CFAP418: variants seen among roughly 807,000 people sequenced by gnomAD.
The protein encoded by CFAP418 is cilia and flagella associated protein 418.
A neutral mutation model predicts 24.7 loss-of-function variants in CFAP418; 27 were observed. That is an observed-to-expected ratio of 1.09 (90% CI 0.81 to 1.51). CFAP418 has a LOEUF of 1.51. CFAP418 is among the 40% of genes most tolerant of loss of function. The pLI is 0.00. For missense variants in CFAP418, 257 were observed against 255.2 expected (o/e 1.01, Z -0.05); for synonymous variants, 74 against 87.3 (o/e 0.85, Z 0.85).
At position 95,260,547 on chromosome 8, in the gene CFAP418, A is replaced by C; in HGVS notation, c.244-15T>G. The C allele has an allele frequency of 6.5e-7, 1 of 1,542,996 alleles. No individual in the cohort carries two copies. The highest frequency in any genetic ancestry group is 8.8e-7 in the Non-Finnish European group (1 of 1,136,322). On this transcript the variant is annotated splice_polypyrimidine_tract_variant and intron_variant, in intron 2 of 5. Transcript: ENST00000286688. ...GATTTTAATTTCTGTTAAAAAAGCAAAACAATAAAAGGCCATGAGTAACTT... is the reference window on the plus strand; with the variant it reads ...GATTTTAATTTCTGTTAAAAAAGCACAACAATAAAAGGCCATGAGTAACTT...
chr8:95,263,896 T>A (rs1811933543), intron 1 of CFAP418, 122 bp from the exon 2 acceptor site: 1 of 595,418 alleles, frequency 1.7e-6, no homozygotes, highest in Middle Eastern at 3.3e-4. Flanking sequence ...AAAAGTGATT[T>A]TAATTTTTTT....
chr8:95,264,111 A>T (rs1811936442), intron 1 of CFAP418, among the ~76,000 whole-genome samples: 1 of 152,182 alleles, frequency 6.6e-6, no homozygotes, highest in Non-Finnish European at 1.5e-5. Context: ...CAATAAGCAG[A>T]ACCTGATATT....
At position 95,249,416 on chromosome 8, in the gene CFAP418, A is replaced by G. The variant is rs77790269; in HGVS notation, c.471-1646T>C. Among the ~76,000 whole-genome samples, 953 of 152,346 alleles carry G rather than the reference A, an allele frequency of 6.3e-3. 12 individuals carry two copies. Among genetic ancestry groups the G allele is most frequent in the African/African-American group, 0.021 (885 of 41,574 alleles). ...GGTGGGTCATGCCTGTAATCCCTGC[A>G]CTTTGGGGAGCCAAGGTGGGTGGAC... On this transcript the variant is annotated intron_variant, in intron 5 of 5. Transcript: ENST00000286688.
Position 95,268,957 on chromosome 8 carries a change from G to A in CFAP418, c.155+78C>T. 3 of 1,491,504 alleles carry A rather than the reference G, an allele frequency of 2.0e-6. No homozygotes were observed. In the South Asian group the frequency reaches 3.7e-5, roughly 18 times the overall value. The allele number at this position is 1,491,504 out of a possible 1,614,324, so 92.4% of individuals were successfully genotyped here. On this transcript the variant is annotated intron_variant, in intron 1 of 5. Coordinates refer to ENST00000286688, the MANE Select transcript of CFAP418 (RefSeq NM_177965.4). ...GGAGGTCGCGGGCACGTTTCTTTTG[G>A]GTTGGGCGGCGGAGGGGCAGCTCTA...
intron 4 of CFAP418, among the ~76,000 whole-genome samples, chr8:95,254,508 A>G (rs1203268667): frequency 6.6e-6 from 1 of 152,214 alleles, no homozygotes; most frequent in East Asian, 1.9e-4. Context: ...TGAAAGACAA[A>G]CTGTCAGGTC....
chr8:95,252,134 G>A (rs1312086583), intron 5 of CFAP418, 54 bp downstream of exon 5: 1 of 1,338,896 alleles, frequency 7.5e-7, no homozygotes, highest in Non-Finnish European at 1.1e-6. Context: ...TATCAAAATA[G>A]GAAATATAAA....
At chr8:95,268,967 C>T (rs1812086339) in intron 1 of CFAP418, 68 bp downstream of exon 1, 3 of 1,521,408 alleles carry the variant, frequency 2.0e-6, no homozygotes, top group African/African-American at 2.8e-5. Context: ...GGTTGGGCGG[C>T]GGAGGGGCAG....
chr8:95,259,897 G>A lies in CFAP418; in HGVS notation c.317C>T (p.Pro106Leu), dbSNP rs376587956. The A allele has an allele frequency of 2.6e-5, 41 of 1,603,950 alleles. No homozygotes were observed. Among genetic ancestry groups the A allele is most frequent in the Middle Eastern group, 1.7e-4 (1 of 6,054 alleles). Residue 106 changes from proline to leucine, a missense_variant, in exon 4 of 6, where the codon CCG becomes CTG. By Grantham distance (98) the Pro-to-Leu change is moderately conservative (BLOSUM62 -3). Transcript: ENST00000286688. ...SIEGLGKSCSPVYLGGSSIPC... is the reference protein window; with the variant it reads ...SIEGLGKSCSLVYLGGSSIPC... ...AATAGAGCTTCCACCAAGGTACACC[G>A]GACTGCAACTAGATGTGTTCAACAG...
rs1263456465 is a variant in CFAP418 at position 95,264,316 on chromosome 8, T to TTATTAATATAAAC, written c.156-543_156-542insGTTTATATTAATA. ...CCTCTACCTTCTGCAGGCAAAGCCA[T>TTATTAATATAAAC]CACTGGATTATTAATATAAACCACT... On this transcript the variant is annotated intron_variant, in intron 1 of 5. Coordinates refer to ENST00000286688, the MANE Select transcript of CFAP418 (RefSeq NM_177965.4). Among the ~76,000 whole-genome samples, 26 of 152,330 alleles carry TTATTAATATAAAC rather than the reference T, an allele frequency of 1.7e-4. No homozygotes were observed. The East Asian group carries it at 4.8e-3, about 28-fold the overall frequency.
At chr8:95,251,869 G>A (rs1398658446) in intron 5 of CFAP418, among the ~76,000 whole-genome samples, 2 of 152,108 alleles carry the variant, frequency 1.3e-5, no homozygotes, top group African/African-American at 2.4e-5. Flanking sequence ...CTGTTCCAAG[G>A]CTACAAACCT....
In CFAP418 at chr8:95,252,915, C is replaced by G. The variant is rs72664692; in HGVS notation, c.375-632G>C. Among the ~76,000 whole-genome samples the G allele has an allele frequency of 1.5e-3, 223 of 152,292 alleles. 1 individual carries two copies. The highest frequency in any genetic ancestry group is 2.7e-3 in the Non-Finnish European group (184 of 68,030). ...ACTATATACTAACCTGGAGGGATAT[C>G]TGAAGCAAGGTGCACACTAACATAT... On this transcript the variant is annotated intron_variant, in intron 4 of 5. Coordinates refer to ENST00000286688, the MANE Select transcript of CFAP418 (RefSeq NM_177965.4).
intron 1 of CFAP418, among the ~76,000 whole-genome samples, chr8:95,266,860 G>A (rs1347579020): frequency 2.0e-5 from 3 of 152,178 alleles, no homozygotes; most frequent in Non-Finnish European, 2.9e-5. Flanking sequence ...AGCAAGAACA[G>A]GCATGACACA....
intron 1 of CFAP418, among the ~76,000 whole-genome samples, chr8:95,265,176 A>G (rs79794902): frequency 0.011 from 1,723 of 152,186 alleles, 24 homozygotes; most frequent in African/African-American, 0.039. Context: ...ATTTTACAGC[A>G]TCTACCCACT....
At chr8:95,259,322 A>G (rs1811847662) in intron 4 of CFAP418, among the ~76,000 whole-genome samples, 1 of 152,178 alleles carries the variant, frequency 6.6e-6, no homozygotes, top group Non-Finnish European at 1.5e-5. Flanking sequence ...TCATGACTAT[A>G]AGACTGCCCA....
chr8:95,247,490 G>C lies in CFAP418; in HGVS notation c.*127C>G. ...TTGGTCTTCAAAAATGTATGTAGTT[G>C]TATCAATAAAATTCACTGCCTTTTC... On this transcript the variant is annotated 3_prime_UTR_variant, in exon 6 of 6. Coordinates refer to ENST00000286688, the MANE Select transcript of CFAP418 (RefSeq NM_177965.4). The C allele has an allele frequency of 1.9e-6, 2 of 1,032,074 alleles. No individual in the cohort carries two copies. The highest frequency in any genetic ancestry group is 2.9e-6 in the Non-Finnish European group (2 of 695,676). The allele number at this position is 1,032,074 out of a possible 1,614,324, so 63.9% of individuals were successfully genotyped here.
At chr8:95,265,142 G>C (rs1279187404) in intron 1 of CFAP418, among the ~76,000 whole-genome samples, 1 of 152,046 alleles carries the variant, frequency 6.6e-6, no homozygotes, top group Non-Finnish European at 1.5e-5. Flanking sequence ...TGTGGGGGCA[G>C]GAGACTGTTG....
chr8:95,260,799 A>G (rs1811875175), intron 2 of CFAP418, among the ~76,000 whole-genome samples: 1 of 152,210 alleles, frequency 6.6e-6, no homozygotes, highest in Non-Finnish European at 1.5e-5. Flanking sequence ...GCTAAGATTT[A>G]GAGTCACTTT....
chr8:95,264,406 C>T (rs1811941910), intron 1 of CFAP418, among the ~76,000 whole-genome samples: 1 of 152,120 alleles, frequency 6.6e-6, no homozygotes, highest in Non-Finnish European at 1.5e-5. Context: ...TAAGTATTTA[C>T]TGAATACTTA....
chr8:95,247,913 G>C, intron 5 of CFAP418, 143 bp from the exon 6 acceptor site: 1 of 828,838 alleles, frequency 1.2e-6, no homozygotes, highest in Non-Finnish European at 1.8e-6. Flanking sequence ...GATTGCGGTG[G>C]CACAATCATG....
Sources: gnomAD v4.1 joint callset for allele counts (sites outside exome capture counted in the v4.1 genomes callset) on GRCh38, gnomAD v4.1.1 for gene constraint, MANE v1.5 for transcripts, NCBI Gene and HGNC (gene_info 2026-07-23, HGNC 2026-07-21) for gene names.